Variants in PWWP3B observed in about 807,000 individuals in gnomAD.
PWWP3B encodes the protein PWWP domain containing 3B.
PWWP3B carries 5 observed loss-of-function variants against 15.7 expected under a neutral mutation model. The observed-to-expected ratio is 0.32, with a 90% CI of 0.17 to 0.67. The LOEUF is 0.67. Among genes scored for constraint, PWWP3B ranks in the 30% least tolerant of loss-of-function variants. PWWP3B has a pLI of 0.74. For missense variants in PWWP3B, 519 were observed against 493.1 expected (o/e 1.05, Z -0.50); for synonymous variants, 203 against 179.8 (o/e 1.13, Z -1.03).
At chrX:106,197,082 T>G (rs1169400995) in intron 2 of PWWP3B, among the ~76,000 whole-genome samples, 1 of 111,943 alleles carries the variant, frequency 8.9e-6, no homozygotes. Flanking sequence ...GCCACAGCCT[T>G]AGCGGGGCTC....
At position 106,205,819 on chromosome X, in the gene PWWP3B, C is replaced by T. The variant is rs1257781283; in HGVS notation, c.387C>T (p.Pro129=). 2 of 1,209,332 alleles carry T rather than the reference C, an allele frequency of 1.7e-6. No homozygotes were observed. The highest frequency in any genetic ancestry group is 2.2e-6 in the Non-Finnish European group (2 of 895,002). The stretch of plus-strand genomic sequence containing the variant: ...TACCACAAAAACAGTCCGATTCACC[C>T]CCTCATAAAAAATACCGGAAGGATG... The part of the protein sequence containing the change: ...QNVPQKQSDS[P]PHKKYRKDEG... The change falls in exon 4 of 4, where the codon CCC becomes CCT. Residue 129 remains proline (P), a synonymous_variant. Coordinates refer to ENST00000357175, the MANE Select transcript of PWWP3B (RefSeq NM_001171020.2).
intron 2 of PWWP3B, among the ~76,000 whole-genome samples, chrX:106,189,966 C>G (rs1281426321): frequency 8.9e-6 from 1 of 112,344 alleles, no homozygotes; most frequent in Non-Finnish European, 1.9e-5. Flanking sequence ...AGGTTGGTTC[C>G]AAGTCTTTGC....
chrX:106,168,700 T>A (rs140065373), intron 1 of PWWP3B, among the ~76,000 whole-genome samples: 2 of 112,301 alleles, frequency 1.8e-5, no homozygotes, highest in African/African-American at 3.2e-5. Flanking sequence ...GGGAGTTTAA[T>A]CTTCCTTATT....
intron 2 of PWWP3B, among the ~76,000 whole-genome samples, chrX:106,172,507 C>T (rs1001471308): frequency 2.7e-5 from 3 of 109,666 alleles, no homozygotes; most frequent in African/African-American, 1.0e-4. Context: ...CACCAACACA[C>T]ATATTAGCCT....
chrX:106,169,406 G>A (rs1010102566), intron 1 of PWWP3B, among the ~76,000 whole-genome samples: 4 of 112,060 alleles, frequency 3.6e-5, no homozygotes, highest in Non-Finnish European at 7.5e-5. Flanking sequence ...CTGATGATGT[G>A]TATTTTCATC....
At chrX:106,176,574 A>G (rs1018333859) in intron 2 of PWWP3B, among the ~76,000 whole-genome samples, 18 of 112,183 alleles carry the variant, frequency 1.6e-4, no homozygotes, top group African/African-American at 5.8e-4. Context: ...TTACTCTGCC[A>G]TTTATTTCTT....
At chrX:106,202,206 A>T (rs1349102564) in intron 2 of PWWP3B, among the ~76,000 whole-genome samples, 2 of 112,126 alleles carry the variant, frequency 1.8e-5, no homozygotes, top group South Asian at 7.5e-4. Context: ...TGAGCATGGA[A>T]AAGGGATCAA....
chrX:106,190,676 AG>A, intron 2 of PWWP3B, among the ~76,000 whole-genome samples: 1 of 112,001 alleles, frequency 8.9e-6, no homozygotes, highest in East Asian at 2.8e-4. Context: ...TTATGGTTTT[AG>A]GTCTAACATG....
chrX:106,190,566 A>G (rs1224640444), intron 2 of PWWP3B, among the ~76,000 whole-genome samples: 1 of 111,407 alleles, frequency 9.0e-6, no homozygotes, highest in Non-Finnish European at 1.9e-5. Context: ...CCATTTGTCA[A>G]TTTTGGCTTT....
intron 2 of PWWP3B, among the ~76,000 whole-genome samples, chrX:106,176,695 T>G (rs1921918146): frequency 8.9e-6 from 1 of 112,495 alleles, no homozygotes; most frequent in South Asian, 3.6e-4. Context: ...ATAAGAATTT[T>G]TTTGTTTCCA....
intron 2 of PWWP3B, among the ~76,000 whole-genome samples, chrX:106,192,285 G>A (rs1309628575): frequency 4.5e-5 from 5 of 111,407 alleles, no homozygotes; most frequent in African/African-American, 1.3e-4. Context: ...TGTATGTGTC[G>A]AGGAATTTAT....
chrX:106,177,129 A>T (rs998056580), intron 2 of PWWP3B: 4 of 113,182 alleles, frequency 3.5e-5, no homozygotes, highest in Non-Finnish European at 7.5e-5. Flanking sequence ...TTAAACAGAC[A>T]CATGTTGCCA....
chrX:106,192,078 C>G (rs1923013047), intron 2 of PWWP3B, among the ~76,000 whole-genome samples: 2 of 111,787 alleles, frequency 1.8e-5, no homozygotes, highest in African/African-American at 3.3e-5. Flanking sequence ...GGAGGATTCC[C>G]TCTTTTTCTA....
In PWWP3B at chrX:106,169,272, T is replaced by C. The variant is rs191646967; in HGVS notation, c.-529+847T>C. Among the ~76,000 whole-genome samples, 387 of 111,482 alleles carry C rather than the reference T, an allele frequency of 3.5e-3. 3 individuals carry two copies. The highest frequency in any genetic ancestry group is 0.012 in the African/African-American group (371 of 30,767). On this transcript the variant is annotated intron_variant, in intron 1 of 3. Transcript: ENST00000357175. ...AAACTCATATATAAACAGGGAAAGGTGTTCAAATATGTGGCTAAATAAATG... is the reference window on the plus strand; with the variant it reads ...AAACTCATATATAAACAGGGAAAGGCGTTCAAATATGTGGCTAAATAAATG...
chrX:106,193,183 C>T lies in PWWP3B; in HGVS notation c.-400-10802C>T, dbSNP rs1159189921. On this transcript the variant is annotated intron_variant, in intron 2 of 3. Transcript: ENST00000357175. Reference sequence around the variant, plus strand: ...TATTGTGTGGGAGTCTAAGTCTCTTCGTAGGTCACTAAGGACTTGCTTTAT... The same window carrying T: ...TATTGTGTGGGAGTCTAAGTCTCTTTGTAGGTCACTAAGGACTTGCTTTAT... 1.1e-4 allele frequency among the ~76,000 whole-genome samples: 12 copies of T among 110,807 alleles called. No homozygotes were observed. In the East Asian group the frequency reaches 1.1e-3, roughly 11 times the overall value.
Position 106,207,098 on chromosome X carries a change from C to T in PWWP3B, c.1666C>T (p.Leu556=), listed in dbSNP as rs368990203. ...KAARDRANKN[L]VDFIVNAKGT... ...TGCTCGGGACCGAGCCAACAAGAAC[C>T]TGGTGGACTTCATTGTGAATGCAAA... Residue 556 remains leucine (L), a synonymous_variant, in exon 4 of 4, where the codon CTG becomes TTG. Transcript: ENST00000357175. 1 of 1,205,486 alleles carries T rather than the reference C, an allele frequency of 8.3e-7. No homozygotes were observed. Among genetic ancestry groups the T allele is most frequent in the Non-Finnish European group, 1.1e-6 (1 of 892,684 alleles).
At position 106,206,516 on chromosome X, in the gene PWWP3B, A is replaced by C; in HGVS notation, c.1084A>C (p.Ser362Arg). The change falls in exon 4 of 4, where the codon AGT becomes CGT. Residue 362 changes from serine to arginine, a missense_variant. Transcript: ENST00000357175. The part of the protein sequence containing the change: ...GQASDKSLLP[S>R]RINLSLLDDD... ...AGCCTCTGACAAGTCATTGCTTCCAAGTCGCATTAATCTTTCTCTATTAGA... is the reference window on the plus strand; with the variant it reads ...AGCCTCTGACAAGTCATTGCTTCCACGTCGCATTAATCTTTCTCTATTAGA... 5.0e-6 allele frequency: 6 copies of C among 1,207,479 alleles called. No homozygotes were observed. Among genetic ancestry groups the C allele is most frequent in the Non-Finnish European group, 6.7e-6 (6 of 893,706 alleles).
intron 2 of PWWP3B, among the ~76,000 whole-genome samples, chrX:106,176,124 T>C (rs1396032770): frequency 9.0e-6 from 1 of 111,130 alleles, no homozygotes; most frequent in Non-Finnish European, 1.9e-5. Flanking sequence ...GATGGAGTCT[T>C]ATTCTGTTGC....
intron 2 of PWWP3B, among the ~76,000 whole-genome samples, chrX:106,181,133 G>T (rs958813588): frequency 3.6e-5 from 4 of 111,866 alleles, no homozygotes; most frequent in African/African-American, 1.3e-4. Context: ...TCTTGGTCTC[G>T]CTGACTTCAA....
Sources: gnomAD v4.1 joint callset for allele counts (sites outside exome capture counted in the v4.1 genomes callset) on GRCh38, gnomAD v4.1.1 for gene constraint, MANE v1.5 for transcripts, NCBI Gene and HGNC (gene_info 2026-07-23, HGNC 2026-07-21) for gene names.